Variants in NFATC2 observed in about 807,000 individuals in gnomAD.
The protein encoded by NFATC2 is nuclear factor of activated T cells 2, also known as nuclear factor of activated T-cells, cytoplasmic 2.
NFATC2 carries 22 observed loss-of-function variants against 87.3 expected under a neutral mutation model. The ratio of observed to expected loss-of-function variants is 0.25; its 90% CI spans 0.18 to 0.36. The LOEUF (loss-of-function observed/expected upper bound fraction) is 0.36, where lower values mean the gene tolerates loss of function less well. Among genes scored for constraint, NFATC2 ranks in the 10% least tolerant of loss-of-function variants. The pLI, the probability that NFATC2 is intolerant of heterozygous loss-of-function variation, is 1.00. For missense variants in NFATC2, 1,149 were observed against 1,259.1 expected, an observed-to-expected ratio of 0.91 and a Z score of 1.32; for synonymous variants, 565 against 542.2, an observed-to-expected ratio of 1.04 and a Z score of -0.58.
At chr20:51,476,922 C>A (rs936229754) in intron 3 of NFATC2, among the ~76,000 whole-genome samples, 1 of 152,122 alleles carries the variant, frequency 6.6e-6, no homozygotes, top group Non-Finnish European at 1.5e-5. Context: ...GGGGAACAGG[C>A]ACTTTTATGC....
At chr20:51,532,279 G>A (rs1265686692) in intron 1 of NFATC2, among the ~76,000 whole-genome samples, 1 of 152,098 alleles carries the variant, frequency 6.6e-6, no homozygotes, top group South Asian at 2.1e-4. Flanking sequence ...CAGCTTCTAA[G>A]TAGCAGAGCC....
intron 5 of NFATC2, among the ~76,000 whole-genome samples, chr20:51,468,294 T>C (rs144542459): frequency 4.1e-4 from 55 of 134,478 alleles, no homozygotes; most frequent in African/African-American, 1.4e-3. Context: ...CTATGCAATC[T>C]ACTTTATCTT....
At position 51,398,679 on chromosome 20, in the gene NFATC2, ATTCT is replaced by A. The variant is rs1568926692; in HGVS notation, c.*4_*7del. The A allele has an allele frequency of 6.2e-7, 1 of 1,612,972 alleles. No individual in the cohort carries two copies. The highest frequency in any genetic ancestry group is 1.3e-5 in the African/African-American group (1 of 75,002). On this transcript the variant is annotated 3_prime_UTR_variant, in exon 10 of 11. Transcript: ENST00000371564. Reference sequence around the variant, plus strand: ...ATTTCTCGGATCAAAGATCACAGTCATTCTGTTTCATAATATGTTTTGTATCCAG... The same window carrying A: ...ATTTCTCGGATCAAAGATCACAGTCAGTTTCATAATATGTTTTGTATCCAG...
chr20:51,428,555 C>T (rs1003535143), intron 9 of NFATC2, among the ~76,000 whole-genome samples: 4 of 152,222 alleles, frequency 2.6e-5, no homozygotes, highest in Non-Finnish European at 5.9e-5. Flanking sequence ...TGAGATAAAG[C>T]ACAGATGCCC....
At chr20:51,418,586 GA>G (rs1394494859) in intron 9 of NFATC2, among the ~76,000 whole-genome samples, 27 of 152,132 alleles carry the variant, frequency 1.8e-4, no homozygotes, top group African/African-American at 6.5e-4. Context: ...TGAATTTGGG[GA>G]AAATTGGCAA....
chr20:51,407,821 TAAAGAA>T (rs757453320), intron 9 of NFATC2, among the ~76,000 whole-genome samples: 41 of 152,224 alleles, frequency 2.7e-4, no homozygotes, highest in Non-Finnish European at 6.0e-4. Context: ...CGGTCCAACT[TAAAGAA>T]GGAGAAATTG....
At chr20:51,489,580 T>C (rs2075847667) in intron 3 of NFATC2, among the ~76,000 whole-genome samples, 1 of 152,216 alleles carries the variant, frequency 6.6e-6, no homozygotes, top group Non-Finnish European at 1.5e-5. Flanking sequence ...TCAACTGCAT[T>C]GCAAAGACAG....
At chr20:51,398,537 C>A (rs555426121) in intron 10 of NFATC2, 106 bp downstream of exon 10, 12 of 675,108 alleles carry the variant, frequency 1.8e-5, no homozygotes, top group African/African-American at 3.7e-5. Flanking sequence ...GAAGAGAGGG[C>A]CTTCAGCCTG....
At position 51,475,467 on chromosome 20, in the gene NFATC2, ATGT is replaced by A; in HGVS notation, c.1523_1525del (p.Asn508del). 1 of 1,613,666 alleles carries A rather than the reference ATGT, an allele frequency of 6.2e-7. No individual in the cohort carries two copies. Among genetic ancestry groups the A allele is most frequent in the Non-Finnish European group, 8.5e-7 (1 of 1,179,996 alleles). ...AGCTCCCAGCCCTTACGTTGCCCTC[ATGT>A]TGTTTTTGGGCTCCAAGGGTATCTC... On this transcript the variant is annotated inframe_deletion, in exon 4 of 11. Coordinates refer to ENST00000371564, the MANE Select transcript of NFATC2 (RefSeq NM_012340.5).
chr20:51,505,076 C>T (rs1180120725), intron 3 of NFATC2, among the ~76,000 whole-genome samples: 1 of 118,976 alleles, frequency 8.4e-6, no homozygotes, highest in African/African-American at 3.2e-5. Flanking sequence ...TGCAGTGGTG[C>T]GGTCTCAGCT....
chr20:51,506,131 G>A (rs1600896752), intron 3 of NFATC2, among the ~76,000 whole-genome samples: 1 of 152,326 alleles, frequency 6.6e-6, no homozygotes, highest in East Asian at 1.9e-4. Context: ...TTCCTCAGCT[G>A]TAAATGGGGT....
intron 10 of NFATC2, 44 bp downstream of exon 10, chr20:51,398,597 AAC>A: frequency 7.0e-6 from 10 of 1,427,970 alleles, no homozygotes; most frequent in Non-Finnish European, 8.6e-6. Context: ...AAGTTAAGGA[AAC>A]ACACAGCTGG....
intron 3 of NFATC2, among the ~76,000 whole-genome samples, chr20:51,508,358 C>A (rs1600902824): frequency 6.6e-6 from 1 of 152,304 alleles, no homozygotes; most frequent in Non-Finnish European, 1.5e-5. Flanking sequence ...AATCGTTTCA[C>A]AAGTCCATCC....
At position 51,417,441 on chromosome 20, in the gene NFATC2, G is replaced by A. The variant is rs576938960; in HGVS notation, c.2722+14626C>T. Among the ~76,000 whole-genome samples, 6 of 152,048 alleles carry A rather than the reference G, an allele frequency of 3.9e-5. 1 individual carries two copies. The highest frequency in any genetic ancestry group is 9.6e-5 in the African/African-American group (4 of 41,462). ...TCTCTCTGTCCTCCACACAAACCACGTTTCCTCCCAGCTCTGCCCTACGTG... is the reference window on the plus strand; with the variant it reads ...TCTCTCTGTCCTCCACACAAACCACATTTCCTCCCAGCTCTGCCCTACGTG... On this transcript the variant is annotated intron_variant, in intron 9 of 10. Transcript: ENST00000371564.
chr20:51,505,875 T>C (rs1001455790), intron 3 of NFATC2, among the ~76,000 whole-genome samples: 1 of 152,154 alleles, frequency 6.6e-6, no homozygotes, highest in Non-Finnish European at 1.5e-5. Context: ...GGCATGAAAC[T>C]AAAGCCTCCA....
intron 3 of NFATC2, among the ~76,000 whole-genome samples, chr20:51,511,358 G>A (rs2076268773): frequency 6.6e-6 from 1 of 152,228 alleles, no homozygotes; most frequent in Admixed American, 6.5e-5. Flanking sequence ...GGTGTGGACA[G>A]TCAGTCCTTG....
intron 9 of NFATC2, among the ~76,000 whole-genome samples, chr20:51,410,158 C>T (rs1169775527): frequency 1.5e-5 from 2 of 134,560 alleles, no homozygotes; most frequent in African/African-American, 2.8e-5. Flanking sequence ...GGCAGTGAGC[C>T]GAGATCATGC....
At chr20:51,529,953 C>T (rs1440256692) in intron 1 of NFATC2, among the ~76,000 whole-genome samples, 3 of 152,154 alleles carry the variant, frequency 2.0e-5, no homozygotes, top group Non-Finnish European at 4.4e-5. Flanking sequence ...CGGTATAACT[C>T]ATATACACAG....
chr20:51,499,741 T>TAA, intron 3 of NFATC2, among the ~76,000 whole-genome samples: 2 of 137,872 alleles, frequency 1.5e-5, no homozygotes, highest in African/African-American at 5.3e-5. Flanking sequence ...GACTCCATCT[T>TAA]AAAAAAAAAA....
Sources: gnomAD v4.1 joint callset for allele counts (sites outside exome capture counted in the v4.1 genomes callset) on GRCh38, gnomAD v4.1.1 for gene constraint, MANE v1.5 for transcripts, NCBI Gene and HGNC (gene_info 2026-07-23, HGNC 2026-07-21) for gene names.